UBE2F: variants seen among roughly 807,000 people sequenced by gnomAD.
The protein encoded by UBE2F is ubiquitin conjugating enzyme E2 F (putative).
UBE2F carries 5 observed loss-of-function variants against 29.6 expected under a neutral mutation model. The ratio of observed to expected loss-of-function variants is 0.17; its 90% CI spans 0.09 to 0.36. The LOEUF is 0.36. UBE2F is among the 10% of genes least tolerant of loss of function. The pLI is 1.00. For missense variants in UBE2F, 141 were observed against 228.5 expected (o/e 0.62, Z 2.47); for synonymous variants, 66 against 81.8 (o/e 0.81, Z 1.04).
chr2:238,024,596 G>A (rs1171704627), intron 5 of UBE2F, among the ~76,000 whole-genome samples: 2 of 151,714 alleles, frequency 1.3e-5, no homozygotes, highest in Non-Finnish European at 2.9e-5. Context: ...CTCCCACCTC[G>A]ACCTCCCAAA....
intron 4 of UBE2F, among the ~76,000 whole-genome samples, chr2:237,995,788 T>A (rs1190974828): frequency 2.0e-5 from 3 of 152,170 alleles, no homozygotes; most frequent in Non-Finnish European, 4.4e-5. Flanking sequence ...TTAAAAAAAA[T>A]TCTATTTTAT....
rs2063073466 is a variant in UBE2F, at chr2:237,967,228, G to A, written c.-17+96G>A. On this transcript the variant is annotated intron_variant, in intron 1 of 9. Coordinates refer to ENST00000272930, the MANE Select transcript of UBE2F (RefSeq NM_080678.3). The surrounding 1 kb of genome is among the most constrained non-coding windows in gnomAD (Gnocchi z 6.3). The stretch of plus-strand genomic sequence containing the variant: ...CGGGCGGAGGGCGCGGGCGGTGGCG[G>A]GGCCGCCTCGGGCCCGCCGGGTTCC... 1.2e-6 allele frequency: 1 copy of A among 819,744 alleles called. No homozygotes were observed. Among genetic ancestry groups the A allele is most frequent in the Non-Finnish European group, 1.5e-6 (1 of 678,922 alleles). The allele number at this position is 819,744 out of a possible 1,614,324, so 50.8% of individuals were successfully genotyped here. A position where few individuals can be genotyped will look rare whatever the true frequency, so the allele number is the denominator to read the frequency against.
In UBE2F at chr2:237,982,594, G is replaced by A. The variant is rs2106335818; in HGVS notation, c.119-5369G>A. ...TGCCAGAGTCATGCCAGGGAAAGCT[G>A]GATTCCAGTGGCCAGCATCAATCTC... On this transcript the variant is annotated intron_variant, in intron 2 of 9. Transcript: ENST00000272930. This position sits in a 1 kb window ranked among gnomAD's most constrained non-coding sequence, Gnocchi z 4.1. Among the ~76,000 whole-genome samples the A allele has an allele frequency of 6.6e-6, 1 of 152,288 alleles. No individual in the cohort carries two copies. Among genetic ancestry groups the A allele is most frequent in the Non-Finnish European group, 1.5e-5 (1 of 68,024 alleles).
intron 1 of UBE2F, among the ~76,000 whole-genome samples, chr2:237,970,250 A>G (rs2063147751): frequency 6.6e-6 from 1 of 152,184 alleles, no homozygotes; most frequent in South Asian, 2.1e-4. Flanking sequence ...CTGTAGTCCT[A>G]GCTGCTTTAG....
intron 3 of UBE2F, among the ~76,000 whole-genome samples, chr2:237,991,752 G>A (rs546820077): frequency 2.0e-5 from 3 of 151,532 alleles, no homozygotes; most frequent in Non-Finnish European, 4.4e-5. Flanking sequence ...ACAGGTGCCC[G>A]CCACCACGCC....
At chr2:237,991,419 A>G (rs1193547539) in intron 3 of UBE2F, among the ~76,000 whole-genome samples, 1 of 152,118 alleles carries the variant, frequency 6.6e-6, no homozygotes, top group Non-Finnish European at 1.5e-5. Context: ...CTGCACATGC[A>G]AGTTTTTAGC....
At chr2:237,976,924 A>G (rs2063292282) in intron 2 of UBE2F, among the ~76,000 whole-genome samples, 1 of 152,194 alleles carries the variant, frequency 6.6e-6, no homozygotes, top group African/African-American at 2.4e-5. Context: ...AGCCAGACCC[A>G]CATACTGGGG....
intron 4 of UBE2F, among the ~76,000 whole-genome samples, chr2:238,014,835 A>G (rs1198184524): frequency 6.6e-6 from 1 of 152,252 alleles, no homozygotes; most frequent in Non-Finnish European, 1.5e-5. Context: ...AGTATTTTAT[A>G]TCTAAGATGC....
Position 237,995,769 on chromosome 2 carries a change from C to T in UBE2F, c.214+960C>T, listed in dbSNP as rs1478094053. On this transcript the variant is annotated intron_variant, in intron 4 of 9. Transcript: ENST00000272930. ...CCTGGTTTCAAAATATCAAAATATG[C>T]TTGAAACCTTAAAAAAAATTCTATT... Among the ~76,000 whole-genome samples, 5 of 152,112 alleles carry T rather than the reference C, an allele frequency of 3.3e-5. No homozygotes were observed. In the South Asian group the frequency reaches 8.3e-4, roughly 25 times the overall value.
chr2:237,977,408 G>C (rs1280374290), intron 2 of UBE2F, among the ~76,000 whole-genome samples: 3 of 152,222 alleles, frequency 2.0e-5, no homozygotes, highest in African/African-American at 7.2e-5. Context: ...AGGGGCTGCA[G>C]GCCAGGCTGA....
intron 6 of UBE2F, among the ~76,000 whole-genome samples, chr2:238,026,590 C>G (rs923435079): frequency 6.6e-6 from 1 of 152,144 alleles, no homozygotes; most frequent in Admixed American, 6.5e-5. Context: ...CCTACCACTA[C>G]GCCCGGCTAA....
intron 4 of UBE2F, among the ~76,000 whole-genome samples, chr2:238,001,368 A>G (rs538839130): frequency 1.3e-5 from 2 of 151,976 alleles, no homozygotes; most frequent in East Asian, 1.9e-4. Context: ...TTCCTTATAT[A>G]CCTTGATATG....
intron 3 of UBE2F, among the ~76,000 whole-genome samples, chr2:237,994,257 T>C (rs1463573656): frequency 6.6e-6 from 1 of 152,006 alleles, no homozygotes; most frequent in East Asian, 1.9e-4. Context: ...ATTACAGGCG[T>C]AAGCCACCAT....
At chr2:238,037,171 G>A (rs2064731034) in intron 9 of UBE2F, among the ~76,000 whole-genome samples, 1 of 152,066 alleles carries the variant, frequency 6.6e-6, no homozygotes, top group Non-Finnish European at 1.5e-5. Context: ...GAGCCACACT[G>A]AGGTCTTCCA....
intron 2 of UBE2F, chr2:237,986,114 T>C: frequency 2.9e-6 from 1 of 342,610 alleles, no homozygotes. Flanking sequence ...AAATATTTTC[T>C]CCCAATTCAT....
intron 8 of UBE2F, among the ~76,000 whole-genome samples, chr2:238,034,828 T>TC (rs2064667713): frequency 6.6e-6 from 1 of 152,060 alleles, no homozygotes. Flanking sequence ...CAATGATCCA[T>TC]CCTACAGCCT....
intron 5 of UBE2F, among the ~76,000 whole-genome samples, chr2:238,017,817 T>C (rs1373504531): frequency 2.6e-5 from 4 of 152,156 alleles, no homozygotes; most frequent in Non-Finnish European, 4.4e-5. Context: ...GATGTGGGCA[T>C]TGGGGACACT....
At position 238,040,051 on chromosome 2, in the gene UBE2F, A is replaced by C. The variant is rs2064805826; in HGVS notation, c.508-1237A>C. The stretch of plus-strand genomic sequence containing the variant: ...GGCTCCAAACGCCATCCTGTAGACA[A>C]ATAGGGCGGTTGGCAGGGCAGAGGC... On this transcript the variant is annotated intron_variant, in intron 9 of 9. Coordinates refer to ENST00000272930, the MANE Select transcript of UBE2F (RefSeq NM_080678.3). This position sits in a 1 kb window ranked among gnomAD's most constrained non-coding sequence, Gnocchi z 4.4. 6.6e-6 allele frequency among the ~76,000 whole-genome samples: 1 copy of C among 152,176 alleles called. No homozygotes were observed. The highest frequency in any genetic ancestry group is 1.5e-5 in the Non-Finnish European group (1 of 68,030).
chr2:238,006,300 A>AGG (rs1451035645), intron 4 of UBE2F, among the ~76,000 whole-genome samples: 1 of 152,224 alleles, frequency 6.6e-6, no homozygotes, highest in Non-Finnish European at 1.5e-5. Context: ...GCCATTCATA[A>AGG]GGGATCTTCT....
Sources: allele counts gnomAD v4.1 joint callset (sites outside exome capture counted in the v4.1 genomes callset), GRCh38; gene constraint gnomAD v4.1.1; non-coding constraint Gnocchi (gnomAD v3.1); transcripts MANE v1.5; gene names NCBI Gene and HGNC (gene_info 2026-07-23, HGNC 2026-07-21).